Variants in ZCCHC10 observed in about 807,000 individuals in gnomAD.
The protein encoded by ZCCHC10 is zinc finger CCHC-type containing 10.
In ZCCHC10, 16 loss-of-function variants were observed where a neutral mutation model predicts 19.5. That is an observed-to-expected ratio of 0.82 (90% CI 0.56 to 1.25). ZCCHC10 has a LOEUF of 1.25. Ranked by LOEUF, ZCCHC10 falls within the 50% of genes most tolerant of loss-of-function variation. The pLI, the probability that ZCCHC10 is intolerant of heterozygous loss-of-function variation, is 0.00. For missense variants in ZCCHC10, 197 were observed against 201.0 expected (o/e 0.98, Z 0.12); for synonymous variants, 67 against 72.5 (o/e 0.92, Z 0.38).
intron 2 of ZCCHC10, among the ~76,000 whole-genome samples, chr5:133,022,486 G>C (rs1054714264): frequency 1.3e-5 from 2 of 150,126 alleles, no homozygotes; most frequent in South Asian, 2.1e-4. Flanking sequence ...ACAGACTCTC[G>C]GTCTGTCGCC....
At chr5:133,000,796 C>G (rs144159687) in intron 3 of ZCCHC10, among the ~76,000 whole-genome samples, 136 of 151,842 alleles carry the variant, frequency 9.0e-4, no homozygotes, top group African/African-American at 3.1e-3. Context: ...GTGTGTGTCA[C>G]CAAGCCCGGC....
chr5:132,999,119 T>C (rs1762607613), intron 4 of ZCCHC10, among the ~76,000 whole-genome samples: 1 of 152,056 alleles, frequency 6.6e-6, no homozygotes, highest in Non-Finnish European at 1.5e-5. Flanking sequence ...TTTCATCATG[T>C]TCACCATGTT....
intron 2 of ZCCHC10, among the ~76,000 whole-genome samples, chr5:133,012,788 C>G (rs1001404425): frequency 6.6e-6 from 1 of 150,726 alleles, no homozygotes; most frequent in African/African-American, 2.4e-5. Flanking sequence ...TGGTGGCTCA[C>G]GCCTGTAATC....
At chr5:133,012,136 CAAAA>C (rs1172354725) in intron 2 of ZCCHC10, among the ~76,000 whole-genome samples, 12 of 74,866 alleles carry the variant, frequency 1.6e-4, no homozygotes, top group African/African-American at 6.2e-4. Flanking sequence ...GCCTCCATCT[CAAAA>C]AAAAAAAAAA....
intron 3 of ZCCHC10, among the ~76,000 whole-genome samples, chr5:133,004,098 G>A (rs1039741055): frequency 2.6e-5 from 4 of 151,884 alleles, no homozygotes; most frequent in Non-Finnish European, 4.4e-5. Flanking sequence ...ACCAGGTTTG[G>A]CATCAATTAA....
At chr5:133,020,597 G>A (rs1764238308) in intron 2 of ZCCHC10, among the ~76,000 whole-genome samples, 1 of 143,950 alleles carries the variant, frequency 6.9e-6, no homozygotes, top group East Asian at 2.0e-4. Context: ...ACGCTAGCCT[G>A]TCTGACAAAG....
chr5:133,015,101 C>T (rs1456692103), intron 2 of ZCCHC10, among the ~76,000 whole-genome samples: 1 of 115,884 alleles, frequency 8.6e-6, no homozygotes. Flanking sequence ...TTTTTTGAGA[C>T]TAAGTCTTGC....
intron 1 of ZCCHC10, among the ~76,000 whole-genome samples, chr5:133,024,683 C>T (rs560996051): frequency 1.3e-5 from 2 of 152,306 alleles, no homozygotes; most frequent in Non-Finnish European, 2.9e-5. Context: ...GGGCAGATCA[C>T]TTGACATCAG....
intron 2 of ZCCHC10, among the ~76,000 whole-genome samples, chr5:133,021,517 G>A (rs1764309554): frequency 6.6e-6 from 1 of 152,150 alleles, no homozygotes; most frequent in South Asian, 2.1e-4. Context: ...TTCTCCATAG[G>A]TTGATCTGTA....
At chr5:133,002,459 A>G (rs1009269098) in intron 3 of ZCCHC10, among the ~76,000 whole-genome samples, 2 of 152,014 alleles carry the variant, frequency 1.3e-5, no homozygotes, top group African/African-American at 4.8e-5. Flanking sequence ...CTCCCACCTT[A>G]GCTTCCCAAA....
intron 2 of ZCCHC10, among the ~76,000 whole-genome samples, chr5:133,016,886 C>T (rs1337094379): frequency 6.6e-6 from 1 of 151,852 alleles, no homozygotes; most frequent in Non-Finnish European, 1.5e-5. Context: ...CTCTTAACTT[C>T]ACTTGGAATC....
intron 3 of ZCCHC10, among the ~76,000 whole-genome samples, 166 bp downstream of exon 3, chr5:133,006,593 T>C (rs1347363914): frequency 2.6e-5 from 4 of 151,232 alleles, no homozygotes; most frequent in Non-Finnish European, 5.9e-5. Flanking sequence ...AATAAGCTAA[T>C]ACTTATAAAG....
At chr5:133,010,520 T>C (rs921541551) in intron 2 of ZCCHC10, among the ~76,000 whole-genome samples, 9 of 152,292 alleles carry the variant, frequency 5.9e-5, no homozygotes, top group Non-Finnish European at 1.2e-4. Flanking sequence ...TCTTAGCTTA[T>C]GAGCCTCCAA....
At chr5:133,016,083 T>C (rs899700333) in intron 2 of ZCCHC10, among the ~76,000 whole-genome samples, 3 of 152,206 alleles carry the variant, frequency 2.0e-5, no homozygotes, top group Admixed American at 6.6e-5. Flanking sequence ...ATTATTTGGG[T>C]ATTTCCTTGA....
chr5:133,004,776 C>A (rs1317190925), intron 3 of ZCCHC10, among the ~76,000 whole-genome samples: 1 of 152,052 alleles, frequency 6.6e-6, no homozygotes, highest in Non-Finnish European at 1.5e-5. Context: ...AGGTGTAAGC[C>A]ACCGTGCCCG....
At chr5:133,017,221 C>T (rs2126633351) in intron 2 of ZCCHC10, among the ~76,000 whole-genome samples, 1 of 152,280 alleles carries the variant, frequency 6.6e-6, no homozygotes, top group East Asian at 1.9e-4. Context: ...TCTGTAGGTG[C>T]TCTCCTGACC....
intron 1 of ZCCHC10, among the ~76,000 whole-genome samples, chr5:133,025,068 A>G (rs1764580585): frequency 6.6e-6 from 1 of 152,220 alleles, no homozygotes; most frequent in African/African-American, 2.4e-5. Flanking sequence ...TAAAAAATAT[A>G]AAAAGATATA....
At chr5:133,006,029 G>A (rs1298854142) in intron 3 of ZCCHC10, among the ~76,000 whole-genome samples, 1 of 131,822 alleles carries the variant, frequency 7.6e-6, no homozygotes, top group Non-Finnish European at 1.5e-5. Flanking sequence ...CTGTTGCCCA[G>A]TCGGGAATGC....
intron 1 of ZCCHC10, among the ~76,000 whole-genome samples, chr5:133,025,503 CAAAAAAAAAA>C (rs74843776): frequency 1.4e-3 from 26 of 18,682 alleles, no homozygotes; most frequent in Admixed American, 8.6e-3. Flanking sequence ...GACTCCGCCT[CAAAAAAAAAA>C]AAAAAAAAAA....
Sources: allele counts gnomAD v4.1 joint callset (sites outside exome capture counted in the v4.1 genomes callset), GRCh38; gene constraint gnomAD v4.1.1; transcripts MANE v1.5; gene names NCBI Gene and HGNC (gene_info 2026-07-23, HGNC 2026-07-21).